Variants in CACNA1I observed in about 807,000 individuals in gnomAD.
CACNA1I encodes calcium voltage-gated channel subunit alpha1 I.
In CACNA1I, 74 loss-of-function variants were observed where a neutral mutation model predicts 201.6. The ratio of observed to expected loss-of-function variants is 0.37; its 90% CI spans 0.30 to 0.45. The LOEUF is 0.45. CACNA1I is among the 20% of genes least tolerant of loss of function. The pLI is 1.00. For missense variants in CACNA1I, 2,346 were observed against 3,138.1 expected, an observed-to-expected ratio of 0.75 and a Z score of 6.03; for synonymous variants, 1,431 against 1,345.2, an observed-to-expected ratio of 1.06 and a Z score of -1.40.
At position 39,654,658 on chromosome 22, in the gene CACNA1I, G is replaced by T. The variant is rs528634260; in HGVS notation, c.1993-3494G>T. On this transcript the variant is annotated intron_variant, in intron 10 of 36. Transcript: ENST00000402142. ...TGGCTGACATTCCAGCTCTATAGGGGCCCAAGGGAGAGAAACACCAACATG... is the reference window on the plus strand; with the variant it reads ...TGGCTGACATTCCAGCTCTATAGGGTCCCAAGGGAGAGAAACACCAACATG... 1.2e-4 allele frequency among the ~76,000 whole-genome samples: 19 copies of T among 152,310 alleles called. No homozygotes were observed. The South Asian group carries it at 1.7e-3, about 13-fold the overall frequency.
rs1569090784 is a variant in CACNA1I at position 39,665,386 on chromosome 22, C to T, written c.3852-112C>T. On this transcript the variant is annotated intron_variant, in intron 21 of 36. Transcript: ENST00000402142. The surrounding 1 kb of genome is among the most constrained non-coding windows in gnomAD (Gnocchi z 5.5). ...CCCCAGGGTGTTCAGCCCTGGTGAG[C>T]CCTGGGGACTCATGCCCTGGGATAC... 9 of 1,308,812 alleles carry T rather than the reference C, an allele frequency of 6.9e-6. No individual in the cohort carries two copies. In the South Asian group the frequency reaches 1.1e-4, roughly 16 times the overall value. The allele number at this position is 1,308,812 out of a possible 1,614,324, so 81.1% of individuals were successfully genotyped here.
At chr22:39,596,452 C>G (rs111513589) in intron 1 of CACNA1I, among the ~76,000 whole-genome samples, 804 of 4,360 alleles carry the variant, frequency 0.18, 93 homozygotes, top group Admixed American at 0.32. Flanking sequence ...GGAGGGAGAT[C>G]GGGGGGCAGG....
chr22:39,662,265 G>A lies in CACNA1I; in HGVS notation c.3202G>A (p.Ala1068Thr), dbSNP rs1219960959. The A allele has an allele frequency of 2.6e-6, 4 of 1,520,014 alleles. No individual in the cohort carries two copies. Among genetic ancestry groups the A allele is most frequent in the Non-Finnish European group, 3.5e-6 (4 of 1,139,058 alleles). The allele number at this position is 1,520,014 out of a possible 1,614,324, so 94.2% of individuals were successfully genotyped here. A position where few individuals can be genotyped will look rare whatever the true frequency, so the allele number is the denominator to read the frequency against. ...SLDNRDSVDL[A>T]ELVPAVGAHP... ...CGACAACAGGGACTCGGTGGACCTG[G>A]CCGAGCTGGTGCCCGCGGTGGGCGC... The change falls in exon 17 of 37, where the codon GCC (alanine) becomes ACC (threonine). Residue 1068 changes from alanine to threonine, a missense_variant. By Grantham distance (58) the Ala-to-Thr change is moderately conservative (BLOSUM62 0). Around this residue, in one of 13 missense-constraint regions of CACNA1I, gnomAD observed 288 missense variants for 255.2 expected, o/e 1.13. Coordinates refer to ENST00000402142, the MANE Select transcript of CACNA1I (RefSeq NM_021096.4).
intron 4 of CACNA1I, among the ~76,000 whole-genome samples, chr22:39,626,302 G>A (rs1045948820): frequency 5.3e-5 from 8 of 152,228 alleles, no homozygotes; most frequent in South Asian, 2.1e-4. Flanking sequence ...AGAGAGCTGC[G>A]TGCACAGCCT....
chr22:39,686,323 G>A lies in CACNA1I; in HGVS notation c.6590G>A (p.Gly2197Asp). The change falls in exon 37 of 37, where the codon GGC (glycine) becomes GAC (aspartate). Residue 2197 changes from glycine (G) to aspartate (D), a missense_variant. Physicochemically the swap from Gly to Asp is moderately conservative, Grantham distance 94. Coordinates refer to ENST00000402142, the MANE Select transcript of CACNA1I (RefSeq NM_021096.4). ...DPPGRAPLPMGLGPLAPPPQP... is the reference protein window; with the variant it reads ...DPPGRAPLPMDLGPLAPPPQP... ...CCCGGCCGGGCACCGCTGCCCATGG[G>A]CCTGGGCCCCTTGGCGCCCCCGCCG... 3 of 1,315,012 alleles carry A rather than the reference G, an allele frequency of 2.3e-6. No homozygotes were observed. The highest frequency in any genetic ancestry group is 3.6e-5 in the Admixed American group (1 of 27,802). The allele number at this position is 1,315,012 out of a possible 1,614,324, so 81.5% of individuals were successfully genotyped here. A position where few individuals can be genotyped will look rare whatever the true frequency, so the allele number is the denominator to read the frequency against.
intron 2 of CACNA1I, among the ~76,000 whole-genome samples, chr22:39,598,576 T>C (rs1230664245): frequency 1.3e-5 from 2 of 151,686 alleles, no homozygotes; most frequent in African/African-American, 4.8e-5. Context: ...CTCAATCTTC[T>C]CCTACCCGGG....
At chr22:39,679,909 C>T in intron 33 of CACNA1I, 41 bp downstream of exon 33, 2 of 1,584,972 alleles carry the variant, frequency 1.3e-6, no homozygotes, top group Non-Finnish European at 1.7e-6. Flanking sequence ...GTGGCAGGGG[C>T]AGCACGAAAC....
At chr22:39,591,045 G>A (rs1280423822) in intron 1 of CACNA1I, among the ~76,000 whole-genome samples, 4 of 151,314 alleles carry the variant, frequency 2.6e-5, no homozygotes, top group African/African-American at 7.3e-5. Context: ...CAGATATGAG[G>A]TCTCACTATG....
chr22:39,644,914 C>T (rs1310398066), intron 7 of CACNA1I, among the ~76,000 whole-genome samples: 1 of 151,876 alleles, frequency 6.6e-6, no homozygotes, highest in African/African-American at 2.4e-5. Context: ...TCTCAAACTC[C>T]TGGACTCAAG....
intron 14 of CACNA1I, among the ~76,000 whole-genome samples, chr22:39,660,057 C>A (rs35804062): frequency 5.3e-5 from 8 of 152,278 alleles, no homozygotes; most frequent in African/African-American, 1.4e-4. Flanking sequence ...CCTGCTCCCC[C>A]CCAGGGATGT....
intron 24 of CACNA1I, among the ~76,000 whole-genome samples, chr22:39,669,818 T>G (rs1258457996): frequency 6.6e-6 from 1 of 152,168 alleles, no homozygotes; most frequent in African/African-American, 2.4e-5. Flanking sequence ...AGGCAGCCAC[T>G]GAGCAGGGAA....
At position 39,661,966 on chromosome 22, in the gene CACNA1I, C is replaced by G. The variant is rs770744565; in HGVS notation, c.2903C>G (p.Ser968Cys). Residue 968 changes from serine to cysteine, a missense_variant and splice_region_variant, in exon 17 of 37, where the codon TCC becomes TGC. This residue lies in a region of CACNA1I where 288 missense variants were observed against 255.2 expected (regional missense o/e 1.13). Coordinates refer to ENST00000402142, the MANE Select transcript of CACNA1I (RefSeq NM_021096.4). ...GRMSYDQRSL[S>C]SSRSSYYGPW... is the part of the protein sequence containing the mutation. ...GACCCGAACGGGAACTCCTTCCAGT[C>G]CAGCTCCCGGAGCTCCTACTACGGG... 2.6e-6 allele frequency: 4 copies of G among 1,524,452 alleles called. No homozygotes were observed. The South Asian group carries it at 5.0e-5, about 19-fold the overall frequency. The allele number at this position is 1,524,452 out of a possible 1,614,324, so 94.4% of individuals were successfully genotyped here.
At chr22:39,619,529 T>C in intron 4 of CACNA1I, 122 bp downstream of exon 4, 1 of 718,358 alleles carries the variant, frequency 1.4e-6, no homozygotes, top group African/African-American at 1.8e-5. Flanking sequence ...GAAGACTGAT[T>C]AGGGCCCGGG....
At chr22:39,653,587 G>A (rs8140771) in intron 10 of CACNA1I, among the ~76,000 whole-genome samples, 59,788 of 152,062 alleles carry the variant, frequency 0.39, 13,003 homozygotes, top group East Asian at 0.97. Flanking sequence ...CTGCAGGGGA[G>A]GCAGCATGGG....
Position 39,682,668 on chromosome 22 carries a change from G to A in CACNA1I, c.5830+7G>A, listed in dbSNP as rs367639603. ...AAACATGACAGCAGTCAAGGTGAGG[G>A]GTGGGAGCCCTGCCAGCTCCCCACA... On this transcript the variant is annotated splice_region_variant and intron_variant, in intron 35 of 36. Transcript: ENST00000402142. The A allele has an allele frequency of 6.2e-7, 1 of 1,609,352 alleles. No homozygotes were observed. The highest frequency in any genetic ancestry group is 1.3e-5 in the African/African-American group (1 of 74,938).
rs1935808456 is a variant in CACNA1I, at chr22:39,684,766, C to T, written c.6027+268C>T. ...CGGGTCTGGAAGAGGCCTGTGATCC[C>T]TAGCTTGAGGGGAGGGGAGGAGAGG... On this transcript the variant is annotated intron_variant, in intron 36 of 36. Transcript: ENST00000402142. The surrounding 1 kb of genome is among the most constrained non-coding windows in gnomAD (Gnocchi z 4.6). 3.4e-6 allele frequency: 2 copies of T among 593,114 alleles called. No individual in the cohort carries two copies. Among genetic ancestry groups the T allele is most frequent in the Non-Finnish European group, 6.0e-6 (2 of 333,262 alleles). The allele number at this position is 593,114 out of a possible 1,614,324, so 36.7% of individuals were successfully genotyped here.
Position 39,684,557 on chromosome 22 carries a change from C to A in CACNA1I, c.6027+59C>A. On this transcript the variant is annotated intron_variant, in intron 36 of 36. Transcript: ENST00000402142. The surrounding 1 kb of genome is among the most constrained non-coding windows in gnomAD (Gnocchi z 4.6). ...CTGTGGGCAAGGGGCAGGATCTAAG[C>A]CAGGCCTGGAAGTCCAAGGGACTGG... 6.4e-7 allele frequency: 1 copy of A among 1,553,636 alleles called. No individual in the cohort carries two copies. Among genetic ancestry groups the A allele is most frequent in the East Asian group, 2.3e-5 (1 of 42,810 alleles).
At chr22:39,633,336 AC>A (rs1934115986) in intron 4 of CACNA1I, among the ~76,000 whole-genome samples, 1 of 152,180 alleles carries the variant, frequency 6.6e-6, no homozygotes, top group African/African-American at 2.4e-5. Context: ...TAAACAGACA[AC>A]TATACATTAG....
intron 1 of CACNA1I, among the ~76,000 whole-genome samples, chr22:39,574,881 G>T (rs1932295198): frequency 6.6e-6 from 1 of 152,230 alleles, no homozygotes; most frequent in East Asian, 1.9e-4. Flanking sequence ...CTGAGCTCAT[G>T]TCCTGGTGCT....
Sources: gnomAD v4.1 joint callset for allele counts (sites outside exome capture counted in the v4.1 genomes callset) on GRCh38, gnomAD v4.1.1 for gene constraint, gnomAD v4.1.1 regional missense constraint, Gnocchi (gnomAD v3.1) non-coding constraint, MANE v1.5 for transcripts, NCBI Gene and HGNC (gene_info 2026-07-23, HGNC 2026-07-21) for gene names.